ARHGAP32: variants seen among roughly 807,000 people sequenced by gnomAD.
ARHGAP32 encodes the protein Rho GTPase activating protein 32.
ARHGAP32 carries 51 observed loss-of-function variants against 186.5 expected under a neutral mutation model. The ratio of observed to expected loss-of-function variants is 0.27; its 90% CI spans 0.22 to 0.35. The LOEUF (loss-of-function observed/expected upper bound fraction) is 0.35, where lower values mean the gene tolerates loss of function less well. Among genes scored for constraint, ARHGAP32 ranks in the 10% least tolerant of loss-of-function variants. The probability of loss-of-function intolerance (pLI) is 1.00; values close to 1 mark genes in which losing one functional copy is unlikely to be tolerated. For missense variants in ARHGAP32, 2,186 were observed against 2,623.5 expected (o/e 0.83, Z 3.64); for synonymous variants, 950 against 964.3 (o/e 0.99, Z 0.27).
intron 1 of ARHGAP32, among the ~76,000 whole-genome samples, chr11:129,218,190 A>G (rs1384109804): frequency 6.6e-6 from 1 of 152,242 alleles, no homozygotes; most frequent in East Asian, 1.9e-4. Context: ...GTGAAATATT[A>G]AATACGTTAA....
intron 14 of ARHGAP32, 138 bp downstream of exon 14, chr11:128,986,386 G>A: frequency 2.3e-6 from 2 of 887,548 alleles, no homozygotes; most frequent in Non-Finnish European, 3.4e-6. Context: ...CGACTAGCTG[G>A]CAATATTTGT....
chr11:129,260,894 A>G (rs559790868), intron 1 of ARHGAP32, among the ~76,000 whole-genome samples: 57 of 152,264 alleles, frequency 3.7e-4, no homozygotes, highest in South Asian at 1.0e-3. Flanking sequence ...ACACAAACCA[A>G]CTGAATCATG....
intron 1 of ARHGAP32, among the ~76,000 whole-genome samples, chr11:129,179,812 G>A (rs1944012220): frequency 1.3e-5 from 2 of 151,778 alleles, no homozygotes; most frequent in South Asian, 4.2e-4. Flanking sequence ...GGGGACGGGG[G>A]AGGGATAGCA....
chr11:129,009,437 C>T (rs369427952), intron 11 of ARHGAP32, among the ~76,000 whole-genome samples: 71 of 152,246 alleles, frequency 4.7e-4, no homozygotes, highest in African/African-American at 1.6e-3. Context: ...CATCCAATCA[C>T]CTAGGTATTA....
chr11:129,199,737 C>G (rs1334234693), intron 1 of ARHGAP32, among the ~76,000 whole-genome samples: 2 of 152,246 alleles, frequency 1.3e-5, no homozygotes, highest in African/African-American at 2.4e-5. Context: ...ACAGAGCCCC[C>G]ACTGGGCACT....
intron 1 of ARHGAP32, among the ~76,000 whole-genome samples, chr11:129,233,708 T>TA (rs1944888625): frequency 6.6e-6 from 1 of 151,776 alleles, no homozygotes; most frequent in Admixed American, 6.6e-5. Flanking sequence ...AAAATATATG[T>TA]AATAGTTAAA....
chr11:129,174,518 A>C (rs1457974013), intron 1 of ARHGAP32, among the ~76,000 whole-genome samples: 1 of 152,168 alleles, frequency 6.6e-6, no homozygotes, highest in Admixed American at 6.5e-5. Context: ...GACAGCAGTA[A>C]CCTCTGCAGA....
At chr11:129,034,383 T>C (rs1939237784) in intron 11 of ARHGAP32, among the ~76,000 whole-genome samples, 1 of 152,202 alleles carries the variant, frequency 6.6e-6, no homozygotes, top group African/African-American at 2.4e-5. Context: ...GAGGGAAGGT[T>C]GCCTAAATCA....
At chr11:129,009,805 G>A (rs903961189) in intron 11 of ARHGAP32, among the ~76,000 whole-genome samples, 6 of 152,048 alleles carry the variant, frequency 3.9e-5, no homozygotes, top group East Asian at 3.8e-4. Flanking sequence ...GTACGGGTGC[G>A]TGTATCTTTA....
At chr11:129,253,944 G>A (rs1291649717) in intron 1 of ARHGAP32, among the ~76,000 whole-genome samples, 5 of 152,166 alleles carry the variant, frequency 3.3e-5, no homozygotes, top group South Asian at 4.2e-4. Flanking sequence ...TAGAAAAGTC[G>A]GGTTGGTTAG....
intron 13 of ARHGAP32, 137 bp from the exon 14 acceptor site, chr11:128,986,805 T>G (rs1415492996): frequency 1.3e-6 from 1 of 782,752 alleles, no homozygotes; most frequent in Non-Finnish European, 2.0e-6. Context: ...TAATTATATT[T>G]CATTTAAGTT....
chr11:129,165,304 C>G (rs1341322759), intron 1 of ARHGAP32, among the ~76,000 whole-genome samples: 1 of 151,812 alleles, frequency 6.6e-6, no homozygotes, highest in African/African-American at 2.4e-5. Flanking sequence ...ATTTTGGCAG[C>G]CCATCAATGG....
chr11:129,255,681 T>C (rs1010380285), intron 1 of ARHGAP32, among the ~76,000 whole-genome samples: 1 of 151,718 alleles, frequency 6.6e-6, no homozygotes, highest in African/African-American at 2.4e-5. Context: ...ACAAGACAAA[T>C]GACCCAACAG....
rs138117574 is a variant in ARHGAP32, at chr11:129,050,624, G to A, written c.964-9615C>T. ...TAGTAAATATGACTTCCAAAGAGCC[G>A]AAAGTTTTTTTAAAAAAATTAATTA... On this transcript the variant is annotated intron_variant, in intron 10 of 22. Coordinates refer to ENST00000682385, the MANE Select transcript of ARHGAP32 (RefSeq NM_001378024.1). Among the ~76,000 whole-genome samples the A allele has an allele frequency of 1.5e-3, 229 of 152,238 alleles. 1 individual carries two copies. The highest frequency in any genetic ancestry group is 5.0e-3 in the African/African-American group (209 of 41,542).
chr11:129,133,159 G>A (rs1591640889), intron 2 of ARHGAP32, among the ~76,000 whole-genome samples: 1 of 152,284 alleles, frequency 6.6e-6, no homozygotes, highest in Non-Finnish European at 1.5e-5. Context: ...AGGAGGAAGA[G>A]TGACAGAGAA....
intron 11 of ARHGAP32, among the ~76,000 whole-genome samples, chr11:129,014,641 G>A (rs1215145654): frequency 6.6e-6 from 1 of 152,114 alleles, no homozygotes; most frequent in Non-Finnish European, 1.5e-5. Context: ...TGTAGTAGTG[G>A]GAATATATTA....
At chr11:129,154,768 A>G (rs1037372945) in intron 2 of ARHGAP32, among the ~76,000 whole-genome samples, 1 of 152,162 alleles carries the variant, frequency 6.6e-6, no homozygotes, top group Non-Finnish European at 1.5e-5. Context: ...AAGACTATAC[A>G]TCGGGTACAA....
At chr11:129,267,705 A>G (rs1945422471) in intron 1 of ARHGAP32, among the ~76,000 whole-genome samples, 1 of 152,238 alleles carries the variant, frequency 6.6e-6, no homozygotes, top group Non-Finnish European at 1.5e-5. Flanking sequence ...TCCGTTTAGT[A>G]CTGCCATAAA....
intron 1 of ARHGAP32, among the ~76,000 whole-genome samples, chr11:129,180,199 G>A (rs1944024398): frequency 6.6e-6 from 1 of 151,942 alleles, no homozygotes; most frequent in Non-Finnish European, 1.5e-5. Flanking sequence ...TAAATAAAAA[G>A]GAATTTGCAA....
Sources: gnomAD v4.1 joint callset for allele counts (sites outside exome capture counted in the v4.1 genomes callset) on GRCh38, gnomAD v4.1.1 for gene constraint, MANE v1.5 for transcripts, NCBI Gene and HGNC (gene_info 2026-07-23, HGNC 2026-07-21) for gene names.